Variants in KIF11 observed in about 807,000 individuals in gnomAD.
KIF11 encodes kinesin-like protein KIF11.
KIF11 carries 9 observed loss-of-function variants against 121.0 expected under a neutral mutation model. The observed-to-expected ratio is 0.07, with a 90% CI of 0.04 to 0.13. The LOEUF (loss-of-function observed/expected upper bound fraction) is 0.13. Among genes scored for constraint, KIF11 ranks in the 10% least tolerant of loss-of-function variants. The pLI is 1.00. For missense variants in KIF11, 846 were observed against 1,217.5 expected, an observed-to-expected ratio of 0.69 and a Z score of 4.54; for synonymous variants, 408 against 421.0, an observed-to-expected ratio of 0.97 and a Z score of 0.38.
chr10:92,608,736 C>G (rs1031577951), intron 4 of KIF11, among the ~76,000 whole-genome samples: 1 of 152,064 alleles, frequency 6.6e-6, no homozygotes, highest in African/African-American at 2.4e-5. Flanking sequence ...CGTGCCTGGC[C>G]GAACTTGGCT....
At chr10:92,645,701 T>C in intron 18 of KIF11, 59 bp downstream of exon 18, 1 of 1,279,588 alleles carries the variant, frequency 7.8e-7, no homozygotes, top group Non-Finnish European at 1.1e-6. Context: ...AAGTTAAATA[T>C]TCTTGGCTAA....
chr10:92,628,345 C>T (rs1355438672), intron 10 of KIF11, among the ~76,000 whole-genome samples: 1 of 152,012 alleles, frequency 6.6e-6, no homozygotes, highest in African/African-American at 2.4e-5. Context: ...GTTTTTAACC[C>T]CTAATCTTAC....
intron 14 of KIF11, among the ~76,000 whole-genome samples, chr10:92,636,334 A>G (rs930864602): frequency 5.3e-5 from 8 of 152,182 alleles, no homozygotes; most frequent in African/African-American, 1.9e-4. Flanking sequence ...TTAAACTATT[A>G]AATAGTTCTG....
chr10:92,617,726 G>GT (rs1037233139), intron 9 of KIF11, among the ~76,000 whole-genome samples: 8 of 149,070 alleles, frequency 5.4e-5, no homozygotes, highest in African/African-American at 1.8e-4. Flanking sequence ...CTTCAGTACG[G>GT]TTTTTTTGTT....
intron 10 of KIF11, 72 bp from the exon 11 acceptor site, chr10:92,628,736 T>C (rs1844703524): frequency 2.7e-6 from 2 of 753,686 alleles, no homozygotes; most frequent in African/African-American, 3.6e-5. Context: ...CTGTCACAAT[T>C]GTGTTAGAAT....
rs185769111 is a variant in KIF11 at position 92,625,980 on chromosome 10, A to G, written c.1218-2828A>G. ...ATGCTCATGGATAAGAAGAATCAAT[A>G]TTGTTAAAATGGCCATACCACCCAA... On this transcript the variant is annotated intron_variant, in intron 10 of 21. Coordinates refer to ENST00000260731, the MANE Select transcript of KIF11 (RefSeq NM_004523.4). Among the ~76,000 whole-genome samples the G allele has an allele frequency of 3.1e-3, 466 of 152,352 alleles. 4 individuals carry two copies. The highest frequency in any genetic ancestry group is 0.011 in the African/African-American group (451 of 41,590).
At chr10:92,625,855 G>A (rs1236536655) in intron 10 of KIF11, among the ~76,000 whole-genome samples, 1 of 152,078 alleles carries the variant, frequency 6.6e-6, no homozygotes, top group Non-Finnish European at 1.5e-5. Flanking sequence ...AAATACCTAG[G>A]AATACAACTA....
rs1417258788 is a variant in KIF11 at position 92,628,848 on chromosome 10, G to A, written c.1258G>A (p.Val420Ile). Residue 420 changes from valine (V) to isoleucine (I), a missense_variant, in exon 11 of 22, where the codon GTA (valine) becomes ATA (isoleucine). Physicochemically the swap from Val to Ile is conservative, Grantham distance 29. Transcript: ENST00000260731. ...GKLTVQEEQI[V>I]ELIEKIGAVE... ...ATTAACTGTTCAAGAAGAGCAGATT[G>A]TAGAATTGATTGAAAAAATTGGTGC... is the stretch of plus-strand genomic sequence containing the variant. 1.2e-6 allele frequency: 2 copies of A among 1,604,794 alleles called. No homozygotes were observed. Among genetic ancestry groups the A allele is most frequent in the Non-Finnish European group, 1.7e-6 (2 of 1,173,402 alleles).
chr10:92,624,884 C>T (rs927673746), intron 10 of KIF11, among the ~76,000 whole-genome samples: 3 of 151,808 alleles, frequency 2.0e-5, no homozygotes, highest in Non-Finnish European at 4.4e-5. Flanking sequence ...AGTCTCCTAC[C>T]TCCGCCTCCC....
Position 92,636,735 on chromosome 10 carries a change from A to G in KIF11, c.1876-449A>G, listed in dbSNP as rs1389170862. Among the ~76,000 whole-genome samples, 4 of 151,956 alleles carry G rather than the reference A, an allele frequency of 2.6e-5. No individual in the cohort carries two copies. The East Asian group carries it at 5.8e-4, about 22-fold the overall frequency. ...GTATTGATTTATCTATGTAGAGTAT[A>G]AAAAATGGAGAATGGGGCCGGGCGC... On this transcript the variant is annotated intron_variant, in intron 14 of 21. Transcript: ENST00000260731.
chr10:92,632,398 C>G, intron 12 of KIF11, 88 bp from the exon 13 acceptor site: 1 of 890,212 alleles, frequency 1.1e-6, no homozygotes, highest in Non-Finnish European at 1.8e-6. Context: ...TTTACTAGTT[C>G]TTATCAAGAT....
chr10:92,627,064 A>G (rs1019779084), intron 10 of KIF11, among the ~76,000 whole-genome samples: 2 of 152,182 alleles, frequency 1.3e-5, no homozygotes, highest in Non-Finnish European at 2.9e-5. Context: ...GCCTGGCTGT[A>G]GAAGATCCAT....
chr10:92,622,974 G>C (rs1288785538), intron 10 of KIF11, among the ~76,000 whole-genome samples: 1 of 152,188 alleles, frequency 6.6e-6, no homozygotes, highest in East Asian at 1.9e-4. Context: ...CATGAGAACA[G>C]CAAGGGGGAA....
intron 13 of KIF11, among the ~76,000 whole-genome samples, chr10:92,632,981 C>T (rs1016505725): frequency 6.6e-6 from 1 of 151,644 alleles, no homozygotes; most frequent in African/African-American, 2.4e-5. Context: ...CGGCTCCTGA[C>T]CCTGGGTCAT....
intron 15 of KIF11, 21 bp from the exon 16 acceptor site, chr10:92,637,365 AC>A: frequency 1.9e-6 from 3 of 1,577,984 alleles, no homozygotes; most frequent in Non-Finnish European, 2.6e-6. Flanking sequence ...TAAGAAGGAA[AC>A]TCATTTTTGT....
intron 17 of KIF11, among the ~76,000 whole-genome samples, chr10:92,643,945 T>C (rs776707101): frequency 2.0e-4 from 31 of 152,334 alleles, no homozygotes; most frequent in South Asian, 1.0e-3. Context: ...CTGTTAAGTA[T>C]AGCATGTTCC....
chr10:92,631,181 C>T (rs1844734942), intron 12 of KIF11, among the ~76,000 whole-genome samples: 1 of 150,266 alleles, frequency 6.7e-6, no homozygotes, highest in Admixed American at 6.6e-5. Flanking sequence ...ATAATCCCAT[C>T]TACTCAGGAG....
rs538923553 is a variant in KIF11 at position 92,593,189 on chromosome 10, G to A, written c.-187G>A. 3.6e-6 allele frequency: 2 copies of A among 562,792 alleles called. No individual in the cohort carries two copies. Among genetic ancestry groups the A allele is most frequent in the East Asian group, 3.1e-5 (1 of 32,624 alleles). 34.9% of individuals were successfully genotyped at this position (562,792 alleles called of 1,614,324 possible). ...GATTTGGCGGCTCCGACTGGCGCGG[G>A]ACAAACGCCACGGCCAGAGTACCGG... On this transcript the variant is annotated 5_prime_UTR_variant, in exon 1 of 22. Transcript: ENST00000260731.
Position 92,633,660 on chromosome 10 carries a change from C to T in KIF11, c.1740C>T (p.Thr580=), listed in dbSNP as rs370717278. The T allele has an allele frequency of 7.5e-6, 12 of 1,607,780 alleles. No homozygotes were observed. The South Asian group carries it at 1.0e-4, about 13-fold the overall frequency. ...LLSSSVSALD[T]ITTVALGSLT... is the part of the protein sequence containing the mutation. ...CTTCCAGTGTCTCTGCATTAGATAC[C>T]ATTACTACAGTAGCACTTGGATCTC... Residue 580 remains threonine (T), a synonymous_variant, in exon 14 of 22, where the codon ACC becomes ACT. Transcript: ENST00000260731.
Sources: gnomAD v4.1 joint callset for allele counts (sites outside exome capture counted in the v4.1 genomes callset) on GRCh38, gnomAD v4.1.1 for gene constraint, MANE v1.5 for transcripts, NCBI Gene and HGNC (gene_info 2026-07-23, HGNC 2026-07-21) for gene names.